The following PKHD1 variants were observed in gnomAD, a reference collection of about 807,000 sequenced individuals.
The protein encoded by PKHD1 is PKHD1 ciliary IPT domain containing fibrocystin/polyductin.
A neutral mutation model predicts 412.0 loss-of-function variants in PKHD1; 291 were observed. The ratio of observed to expected loss-of-function variants is 0.71; its 90% CI spans 0.64 to 0.78. The LOEUF (loss-of-function observed/expected upper bound fraction) is 0.78. Ranked by LOEUF, PKHD1 falls within the 30% of genes least tolerant of loss-of-function variation. The pLI is 0.00. For synonymous variants in PKHD1, 1,777 were observed against 1,821.5 expected (o/e 0.98, Z 0.62); for missense variants, 4,825 against 4,950.7 (o/e 0.97, Z 0.76).
At chr6:52,059,664 T>C (rs1364203851) in intron 15 of PKHD1, among the ~76,000 whole-genome samples, 2 of 152,190 alleles carry the variant, frequency 1.3e-5, no homozygotes, top group African/African-American at 2.4e-5. Context: ...CATATATACA[T>C]ACATACATAC....
intron 53 of PKHD1, among the ~76,000 whole-genome samples, chr6:51,788,873 C>G (rs921798173): frequency 6.6e-6 from 1 of 152,150 alleles, no homozygotes; most frequent in African/African-American, 2.4e-5. Flanking sequence ...TTTAATATCC[C>G]TCTGAAGAAG....
At chr6:51,915,429 A>T (rs1329575501) in intron 37 of PKHD1, among the ~76,000 whole-genome samples, 1 of 152,106 alleles carries the variant, frequency 6.6e-6, no homozygotes, top group Non-Finnish European at 1.5e-5. Context: ...CACTAAACAT[A>T]ACAGCAAAAA....
chr6:51,643,903 T>C (rs2150348968), intron 63 of PKHD1, among the ~76,000 whole-genome samples: 1 of 152,114 alleles, frequency 6.6e-6, no homozygotes, highest in Middle Eastern at 3.4e-3. Flanking sequence ...TGTGTCCATG[T>C]GTTCTCACTG....
In PKHD1 at chr6:51,659,315, T is replaced by C. The variant is rs1270865080; in HGVS notation, c.10811A>G (p.His3604Arg). 3 of 1,613,778 alleles carry C rather than the reference T, an allele frequency of 1.9e-6. No homozygotes were observed. The highest frequency in any genetic ancestry group is 1.7e-5 in the Admixed American group (1 of 59,910). The change falls in exon 61 of 67, where the codon CAT becomes CGT. Residue 3604 changes from histidine to arginine, a missense_variant. Transcript: ENST00000371117. ...AGCAATGGCCTTTAAGGTCTCTTCA[T>C]GGCCAGGCATCTCGTGAATAAACCT... ...QIRFIHEMPG[H>R]EETLKAIADS...
intron 35 of PKHD1, among the ~76,000 whole-genome samples, chr6:51,960,824 T>C (rs1547026): frequency 0.3 from 45,730 of 152,058 alleles, 8,388 homozygotes; most frequent in East Asian, 0.75. Flanking sequence ...CTCAGAACTT[T>C]TGGCTTTCCT....
chr6:51,956,859 G>A (rs1036130834), intron 36 of PKHD1, among the ~76,000 whole-genome samples: 2 of 152,020 alleles, frequency 1.3e-5, no homozygotes, highest in African/African-American at 4.8e-5. Context: ...CTAGAGCAGA[G>A]TGAATGAGAA....
At position 51,640,516 on chromosome 6, in the gene PKHD1, G is replaced by C. The variant is rs576286434; in HGVS notation, c.11399-1560C>G. Among the ~76,000 whole-genome samples, 94 of 152,224 alleles carry C rather than the reference G, an allele frequency of 6.2e-4. 1 individual carries two copies. The highest frequency in any genetic ancestry group is 2.2e-3 in the African/African-American group (90 of 41,530). ...AATAGCTATGATGACATATACAAAT[G>C]CAATTGACAGGCTCCCTGATCATGC... On this transcript the variant is annotated intron_variant, in intron 63 of 66. Transcript: ENST00000371117.
At chr6:51,841,908 G>C (rs528361000) in intron 50 of PKHD1, among the ~76,000 whole-genome samples, 1 of 152,364 alleles carries the variant, frequency 6.6e-6, no homozygotes, top group East Asian at 1.9e-4. Context: ...TGGTAGACAG[G>C]ATCAGGAGCC....
At chr6:51,836,534 A>G (rs1458238514) in intron 50 of PKHD1, 65 bp from the exon 51 acceptor site, 1 of 1,146,828 alleles carries the variant, frequency 8.7e-7, no homozygotes. Flanking sequence ...AGACAGTCAC[A>G]CGTGAGAAAA....
intron 43 of PKHD1, among the ~76,000 whole-genome samples, chr6:51,897,854 G>T (rs1780401043): frequency 6.7e-6 from 1 of 149,176 alleles, no homozygotes; most frequent in African/African-American, 2.5e-5. Context: ...AAAAGGCAGG[G>T]GTTGCAATCC....
At chr6:51,960,151 G>T in intron 35 of PKHD1, 125 bp from the exon 36 acceptor site, 1 of 827,350 alleles carries the variant, frequency 1.2e-6, no homozygotes, top group East Asian at 2.6e-5. Flanking sequence ...GATAGTATAA[G>T]TATTGAATCA....
chr6:51,711,494 C>T (rs1446212063), intron 60 of PKHD1, among the ~76,000 whole-genome samples: 2 of 152,158 alleles, frequency 1.3e-5, no homozygotes, highest in Non-Finnish European at 2.9e-5. Context: ...AAGAGGAAAT[C>T]CCCTGTCTCC....
intron 37 of PKHD1, among the ~76,000 whole-genome samples, chr6:51,925,174 G>T (rs1429916365): frequency 1.3e-5 from 2 of 152,180 alleles, no homozygotes; most frequent in Non-Finnish European, 2.9e-5. Flanking sequence ...TAGAGAAGAT[G>T]CAGAACGCCA....
chr6:51,906,923 ATT>A (rs1424549426), intron 40 of PKHD1, among the ~76,000 whole-genome samples: 1 of 152,154 alleles, frequency 6.6e-6, no homozygotes, highest in Non-Finnish European at 1.5e-5. Flanking sequence ...AAAATTGACA[ATT>A]AGGAAAATCA....
chr6:51,889,630 G>T (rs1443630077), intron 43 of PKHD1, among the ~76,000 whole-genome samples: 1 of 152,154 alleles, frequency 6.6e-6, no homozygotes, highest in Non-Finnish European at 1.5e-5. Flanking sequence ...GATTTATTAG[G>T]GGGGTGATGA....
chr6:51,679,188 A>G (rs1776284425), intron 60 of PKHD1, among the ~76,000 whole-genome samples: 4 of 151,980 alleles, frequency 2.6e-5, no homozygotes, highest in Admixed American at 2.6e-4. Context: ...TCATGACCCC[A>G]CACCATGACT....
intron 52 of PKHD1, among the ~76,000 whole-genome samples, chr6:51,822,183 T>C (rs947144940): frequency 7.9e-5 from 12 of 152,194 alleles, no homozygotes; most frequent in Non-Finnish European, 1.6e-4. Flanking sequence ...TGGGCAGTAA[T>C]GGTTTTTAAT....
chr6:51,760,630 T>C (rs1787843948), intron 55 of PKHD1, among the ~76,000 whole-genome samples: 1 of 152,052 alleles, frequency 6.6e-6, no homozygotes, highest in Non-Finnish European at 1.5e-5. Flanking sequence ...ACAAAAGTTG[T>C]TGTAGAGAGC....
intron 37 of PKHD1, among the ~76,000 whole-genome samples, chr6:51,922,346 A>G (rs1583387014): frequency 6.6e-6 from 1 of 152,286 alleles, no homozygotes; most frequent in East Asian, 1.9e-4. Flanking sequence ...ACCCAGCTGT[A>G]TGAGGTGTCA....
Sources: gnomAD v4.1 joint callset for allele counts (sites outside exome capture counted in the v4.1 genomes callset) on GRCh38, gnomAD v4.1.1 for gene constraint, MANE v1.5 for transcripts, NCBI Gene and HGNC (gene_info 2026-07-23, HGNC 2026-07-21) for gene names.